Variants in LPAR1 observed in about 807,000 individuals in gnomAD.
LPAR1 encodes the protein LPA receptor 1.
A neutral mutation model predicts 23.8 loss-of-function variants in LPAR1; 5 were observed. The observed-to-expected ratio is 0.21, with a 90% CI of 0.11 to 0.44. The LOEUF (loss-of-function observed/expected upper bound fraction) is 0.44, where lower values mean the gene tolerates loss of function less well. Among genes scored for constraint, LPAR1 ranks in the 20% least tolerant of loss-of-function variants. LPAR1 has a pLI of 0.99. For synonymous variants in LPAR1, 160 were observed against 164.7 expected, an observed-to-expected ratio of 0.97 and a Z score of 0.22; for missense variants, 311 against 482.8, an observed-to-expected ratio of 0.64 and a Z score of 3.33.
chr9:111,019,757 A>C (rs1056756916), intron 2 of LPAR1, among the ~76,000 whole-genome samples: 1 of 152,126 alleles, frequency 6.6e-6, no homozygotes, highest in African/African-American at 2.4e-5. Flanking sequence ...AGGCAGGAGA[A>C]TGGCGTGAAC....
chr9:110,983,716 C>A (rs2192591), intron 2 of LPAR1, among the ~76,000 whole-genome samples: 101,278 of 151,720 alleles, frequency 0.67, 34,185 homozygotes, highest in Admixed American at 0.71. Flanking sequence ...ATGATAAGTG[C>A]AAAACAGGTT....
chr9:111,028,028 A>C (rs1167207231), intron 2 of LPAR1, among the ~76,000 whole-genome samples: 4 of 152,088 alleles, frequency 2.6e-5, no homozygotes, highest in African/African-American at 9.7e-5. Flanking sequence ...AAAGATTTTA[A>C]TGGCCTGTGT....
chr9:111,017,004 C>T (rs1473175549), intron 2 of LPAR1, among the ~76,000 whole-genome samples: 1 of 152,120 alleles, frequency 6.6e-6, no homozygotes. Context: ...TGGATAAAAT[C>T]CTCTCTCCTC....
intron 5 of LPAR1, among the ~76,000 whole-genome samples, chr9:110,929,698 ATGTGTGTGTGTGTGTGTGTG>A (rs71371696): frequency 5.5e-5 from 8 of 146,358 alleles, no homozygotes; most frequent in African/African-American, 7.6e-5. Context: ...CCAGCCAATA[ATGTGTGTGTGTGTGTGTGTG>A]TGTGTGTGTG....
intron 2 of LPAR1, among the ~76,000 whole-genome samples, chr9:110,977,066 G>C (rs938290256): frequency 5.3e-5 from 8 of 152,152 alleles, no homozygotes; most frequent in Non-Finnish European, 1.2e-4. Context: ...ATACTTGAAA[G>C]AATCAACATG....
intron 4 of LPAR1, among the ~76,000 whole-genome samples, chr9:110,959,298 G>A (rs973906106): frequency 3.3e-5 from 5 of 151,654 alleles, no homozygotes. Flanking sequence ...AAGGGAGGAA[G>A]GGAGGAAAGG....
At chr9:110,926,927 T>C (rs1464918478) in intron 5 of LPAR1, among the ~76,000 whole-genome samples, 1 of 152,158 alleles carries the variant, frequency 6.6e-6, no homozygotes, top group Non-Finnish European at 1.5e-5. Context: ...TTGTTGAAGG[T>C]TTGTGTGACG....
chr9:110,898,303 TA>T (rs1399245633), intron 5 of LPAR1, among the ~76,000 whole-genome samples: 1 of 152,252 alleles, frequency 6.6e-6, no homozygotes, highest in Non-Finnish European at 1.5e-5. Context: ...ATTACAAAAC[TA>T]TTTTATCAGA....
intron 5 of LPAR1, among the ~76,000 whole-genome samples, chr9:110,907,795 G>A (rs1225042472): frequency 6.6e-6 from 1 of 151,904 alleles, no homozygotes; most frequent in African/African-American, 2.4e-5. Flanking sequence ...GAAAAAGCAG[G>A]AACTACAGAG....
rs996579014 is a variant in LPAR1 at position 110,936,816 on chromosome 9, C to T, written c.793+4605G>A. Among the ~76,000 whole-genome samples the T allele has an allele frequency of 7.2e-5, 11 of 152,266 alleles. No homozygotes were observed. The South Asian group carries it at 1.2e-3, about 17-fold the overall frequency. On this transcript the variant is annotated intron_variant, in intron 5 of 5. Coordinates refer to ENST00000683809, the MANE Select transcript of LPAR1 (RefSeq NM_001351411.2). Reference sequence around the variant, plus strand: ...GATTTTCTCTTTTCAAATTCTGGATCTCCTCCTCTCTAAGTATCCTGGACA... The same window carrying T: ...GATTTTCTCTTTTCAAATTCTGGATTTCCTCCTCTCTAAGTATCCTGGACA...
intron 5 of LPAR1, among the ~76,000 whole-genome samples, chr9:110,923,663 C>A (rs1289856781): frequency 1.3e-5 from 2 of 152,150 alleles, no homozygotes; most frequent in Non-Finnish European, 2.9e-5. Flanking sequence ...GTGTAATAAT[C>A]TCACTTAACC....
intron 2 of LPAR1, among the ~76,000 whole-genome samples, chr9:111,032,950 C>T (rs116910674): frequency 3.3e-5 from 5 of 152,270 alleles, no homozygotes; most frequent in Non-Finnish European, 7.4e-5. Context: ...AAACATTTTC[C>T]TTTATTTTCA....
At chr9:110,940,965 C>G (rs538264819) in intron 5 of LPAR1, among the ~76,000 whole-genome samples, 8 of 152,284 alleles carry the variant, frequency 5.3e-5, no homozygotes, top group African/African-American at 1.9e-4. Context: ...CCTTGATATA[C>G]TACCTATAAT....
intron 2 of LPAR1, among the ~76,000 whole-genome samples, chr9:111,028,666 C>T (rs1226766366): frequency 1.3e-5 from 2 of 149,328 alleles, no homozygotes; most frequent in East Asian, 3.9e-4. Context: ...CTGCATCCTA[C>T]TTTTTAGTAG....
chr9:110,941,163 CA>C lies in LPAR1; in HGVS notation c.793+257del, dbSNP rs754184163. On this transcript the variant is annotated intron_variant, in intron 5 of 5. Transcript: ENST00000683809. This position sits in a 1 kb window ranked among gnomAD's most constrained non-coding sequence, Gnocchi z 6.1. ...TCTGGTATTTTCAATATTAGATAGC[CA>C]AACTCTTCAATGACATCTTTTACAT... 2.0e-5 allele frequency among the ~76,000 whole-genome samples: 3 copies of C among 152,100 alleles called. No individual in the cohort carries two copies. The East Asian group carries it at 5.8e-4, about 29-fold the overall frequency.
rs532193917 is a variant in LPAR1 at position 110,959,671 on chromosome 9, G to A, written c.45+12402C>T. 3.2e-4 allele frequency among the ~76,000 whole-genome samples: 49 copies of A among 152,052 alleles called. No individual in the cohort carries two copies. In the South Asian group the frequency reaches 9.8e-3, roughly 30 times the overall value. The stretch of plus-strand genomic sequence containing the variant: ...AAAGTAGAAGAGGAAAAAGATATCA[G>A]TATATCAAAAGGATACCTGCATTCA... On this transcript the variant is annotated intron_variant, in intron 4 of 5. Coordinates refer to ENST00000683809, the MANE Select transcript of LPAR1 (RefSeq NM_001351411.2).
chr9:111,013,639 T>C (rs981454514), intron 2 of LPAR1, among the ~76,000 whole-genome samples: 3 of 152,148 alleles, frequency 2.0e-5, no homozygotes, highest in African/African-American at 7.2e-5. Context: ...AATGGGATTG[T>C]TAGATGGCAT....
At chr9:110,964,853 C>CT (rs35426082) in intron 4 of LPAR1, among the ~76,000 whole-genome samples, 6,796 of 67,168 alleles carry the variant, frequency 0.1, 1,330 homozygotes, top group Middle Eastern at 0.17. Flanking sequence ...ACACCAATCA[C>CT]TTTTTTTTTT....
At chr9:110,899,523 T>C (rs958281899) in intron 5 of LPAR1, among the ~76,000 whole-genome samples, 7 of 152,070 alleles carry the variant, frequency 4.6e-5, no homozygotes, top group Admixed American at 2.6e-4. Context: ...ATGGGAACCG[T>C]AAGTGCAGGG....
Sources: gnomAD v4.1 joint callset for allele counts (sites outside exome capture counted in the v4.1 genomes callset) on GRCh38, gnomAD v4.1.1 for gene constraint, Gnocchi (gnomAD v3.1) non-coding constraint, MANE v1.5 for transcripts, NCBI Gene and HGNC (gene_info 2026-07-23, HGNC 2026-07-21) for gene names.